Variants in ANKRD30BL observed in about 807,000 individuals in gnomAD.
ANKRD30BL encodes ankyrin repeat domain 30B like.
In ANKRD30BL, 20 loss-of-function variants were observed where a neutral mutation model predicts 18.4. The ratio of observed to expected loss-of-function variants is 1.09; its 90% CI spans 0.77 to 1.58. ANKRD30BL has a LOEUF of 1.58. ANKRD30BL is among the 40% of genes most tolerant of loss of function. The probability of loss-of-function intolerance (pLI) is 0.00; values close to 1 mark genes in which losing one functional copy is unlikely to be tolerated. For missense variants in ANKRD30BL, 224 were observed against 268.6 expected (o/e 0.83, Z 1.16); for synonymous variants, 72 against 100.9 (o/e 0.71, Z 1.72).
chr2:132,221,685 G>C (rs1289221022), intron 1 of ANKRD30BL, among the ~76,000 whole-genome samples: 1 of 121,170 alleles, frequency 8.3e-6, no homozygotes, highest in African/African-American at 4.2e-5. Context: ...CCGTCCGGGA[G>C]GGAGGTGGGG....
chr2:132,154,946 C>T, intron 3 of ANKRD30BL, 178 bp from the exon 4 acceptor site: 1 of 458,972 alleles, frequency 2.2e-6, no homozygotes, highest in Non-Finnish European at 4.0e-6. Flanking sequence ...AACATTCAGC[C>T]TCTGCATCAC....
At chr2:132,171,479 G>C (rs1688279830) in intron 1 of ANKRD30BL, among the ~76,000 whole-genome samples, 1 of 152,204 alleles carries the variant, frequency 6.6e-6, no homozygotes, top group Middle Eastern at 3.4e-3. Flanking sequence ...TTATGGATCT[G>C]TTTCCATGAA....
At chr2:132,244,050 A>G (rs74698058) in intron 1 of ANKRD30BL, among the ~76,000 whole-genome samples, 1 of 152,410 alleles carries the variant, frequency 6.6e-6, no homozygotes, top group East Asian at 1.9e-4. Flanking sequence ...GTGCGATTTG[A>G]GACCTATGGT....
intron 1 of ANKRD30BL, among the ~76,000 whole-genome samples, chr2:132,196,513 C>T (rs569438348): frequency 3.3e-5 from 5 of 152,066 alleles, no homozygotes; most frequent in South Asian, 2.1e-4. Context: ...AGCAGCCAGG[C>T]GTGGTGGCTC....
At chr2:132,222,844 A>T (rs1304917742) in intron 1 of ANKRD30BL, among the ~76,000 whole-genome samples, 3 of 119,524 alleles carry the variant, frequency 2.5e-5, no homozygotes, top group African/African-American at 6.0e-5. Flanking sequence ...AAAAAAAAAA[A>T]AAAAAAAAAA....
intron 1 of ANKRD30BL, among the ~76,000 whole-genome samples, chr2:132,179,618 T>G (rs1688426586): frequency 6.6e-6 from 1 of 152,126 alleles, no homozygotes; most frequent in South Asian, 2.1e-4. Flanking sequence ...AGGGTACTAC[T>G]TATTAAAAAA....
intron 1 of ANKRD30BL, among the ~76,000 whole-genome samples, chr2:132,216,081 G>T (rs149256775): frequency 6.6e-6 from 1 of 151,744 alleles, no homozygotes; most frequent in East Asian, 1.9e-4. Context: ...ATCTCACAGA[G>T]TTGAACTTTC....
chr2:132,195,917 G>A (rs1352685223), intron 1 of ANKRD30BL, among the ~76,000 whole-genome samples: 1 of 151,692 alleles, frequency 6.6e-6, no homozygotes, highest in Non-Finnish European at 1.5e-5. Context: ...CCAGTTGGGT[G>A]GATCACGAGG....
At chr2:132,227,138 A>G (rs1490255827) in intron 1 of ANKRD30BL, among the ~76,000 whole-genome samples, 1 of 151,710 alleles carries the variant, frequency 6.6e-6, no homozygotes, top group African/African-American at 2.4e-5. Context: ...GTTTTGAAAC[A>G]CTCTTTTTGT....
intron 1 of ANKRD30BL, among the ~76,000 whole-genome samples, chr2:132,183,630 A>T (rs6740756): frequency 1.5e-4 from 23 of 152,052 alleles, no homozygotes; most frequent in African/African-American, 5.3e-4. Context: ...ATTCCTTCTG[A>T]TGGGAATAAA....
chr2:132,185,214 G>C (rs1274650539), intron 1 of ANKRD30BL, among the ~76,000 whole-genome samples: 1 of 152,124 alleles, frequency 6.6e-6, no homozygotes, highest in Non-Finnish European at 1.5e-5. Flanking sequence ...GAATATTATG[G>C]ATTATTTTAT....
At chr2:132,201,782 C>G (rs1007418261) in intron 1 of ANKRD30BL, among the ~76,000 whole-genome samples, 16 of 152,236 alleles carry the variant, frequency 1.1e-4, no homozygotes, top group African/African-American at 3.9e-4. Context: ...CCCAGCCATC[C>G]CATTACTGGG....
intron 1 of ANKRD30BL, among the ~76,000 whole-genome samples, chr2:132,222,856 A>AAAAAAAAAG (rs1679731598): frequency 6.7e-6 from 1 of 148,236 alleles, no homozygotes; most frequent in African/African-American, 2.5e-5. Context: ...AAAAAAAAAA[A>AAAAAAAAAG]AAAAAAAAGA....
chr2:132,222,556 A>T (rs1679720269), intron 1 of ANKRD30BL, among the ~76,000 whole-genome samples: 1 of 152,114 alleles, frequency 6.6e-6, no homozygotes, highest in Admixed American at 6.6e-5. Context: ...GTGCTCTCTG[A>T]AACATGTGCT....
chr2:132,162,144 C>T (rs1213209261), upstream of ANKRD30BL, among the ~76,000 whole-genome samples: 67 of 152,190 alleles, frequency 4.4e-4, no homozygotes, highest in African/African-American at 1.5e-3. Context: ...TGCCCCTGTC[C>T]CCTCCTCAAC....
chr2:132,222,858 A>AAAAAAAG (rs1679731819), intron 1 of ANKRD30BL, among the ~76,000 whole-genome samples: 1 of 147,954 alleles, frequency 6.8e-6, no homozygotes, highest in Non-Finnish European at 1.5e-5. Flanking sequence ...AAAAAAAAAA[A>AAAAAAAG]AAAAAAGAAA....
chr2:132,242,141 G>C (rs1041791720), intron 1 of ANKRD30BL, among the ~76,000 whole-genome samples: 2 of 151,550 alleles, frequency 1.3e-5, no homozygotes, highest in African/African-American at 4.8e-5. Context: ...TCTTCTTGTA[G>C]AATTTACAAG....
chr2:132,179,350 G>C (rs1298967263), intron 1 of ANKRD30BL, among the ~76,000 whole-genome samples: 1 of 149,836 alleles, frequency 6.7e-6, no homozygotes, highest in Non-Finnish European at 1.5e-5. Context: ...TTGCCATGGT[G>C]TGATATCGGC....
chr2:132,184,559 T>C (rs946406361), intron 1 of ANKRD30BL, among the ~76,000 whole-genome samples: 1 of 152,240 alleles, frequency 6.6e-6, no homozygotes, highest in Admixed American at 6.5e-5. Flanking sequence ...TATGGATTAA[T>C]TCTGAACTGC....
Sources: gnomAD v4.1 joint callset for allele counts (sites outside exome capture counted in the v4.1 genomes callset) on GRCh38, gnomAD v4.1.1 for gene constraint, MANE v1.5 for transcripts, NCBI Gene and HGNC (gene_info 2026-07-23, HGNC 2026-07-21) for gene names.